Variants in TMEM266 observed in about 807,000 individuals in gnomAD.
TMEM266 encodes transmembrane protein 266.
In TMEM266, 33 loss-of-function variants were observed where a neutral mutation model predicts 50.5. The ratio of observed to expected loss-of-function variants is 0.65; its 90% CI spans 0.50 to 0.87. TMEM266 has a LOEUF of 0.87. TMEM266 is among the 40% of genes least tolerant of loss of function. TMEM266 has a pLI of 0.00. For missense variants in TMEM266, 655 were observed against 695.1 expected (o/e 0.94, Z 0.65); for synonymous variants, 310 against 292.3 (o/e 1.06, Z -0.62).
intron 1 of TMEM266, among the ~76,000 whole-genome samples, chr15:76,099,126 T>A (rs2036962301): frequency 6.6e-6 from 1 of 151,670 alleles, no homozygotes; most frequent in African/African-American, 2.4e-5. Context: ...GCCACTGGGG[T>A]ATGGAAAAAA....
At position 76,084,988 on chromosome 15, in the gene TMEM266, C is replaced by G. The variant is rs1405478428; in HGVS notation, c.-97+24972C>G. Among the ~76,000 whole-genome samples the G allele has an allele frequency of 2.7e-5, 4 of 149,430 alleles. No homozygotes were observed. In the East Asian group the frequency reaches 5.9e-4, roughly 22 times the overall value. On this transcript the variant is annotated intron_variant, in intron 1 of 10. Coordinates refer to ENST00000388942, the MANE Select transcript of TMEM266 (RefSeq NM_152335.3). The stretch of plus-strand genomic sequence containing the variant: ...TTTTTTTTTTTATTGAGACAAGAGT[C>G]TCACTCTGTTGCCCAGGCTAGAGTG...
chr15:76,095,474 G>A (rs563400318), intron 1 of TMEM266, among the ~76,000 whole-genome samples: 184 of 152,150 alleles, frequency 1.2e-3, no homozygotes, highest in African/African-American at 4.0e-3. Flanking sequence ...CGACTTGATC[G>A]TGGTAGATAA....
intron 1 of TMEM266, among the ~76,000 whole-genome samples, chr15:76,060,520 A>C (rs1462462605): frequency 1.3e-5 from 2 of 152,018 alleles, no homozygotes; most frequent in Non-Finnish European, 2.9e-5. Context: ...GTTTGTCGGG[A>C]GGTGCCCCAG....
At chr15:76,200,717 G>C (rs1013374169) in intron 9 of TMEM266, among the ~76,000 whole-genome samples, 1 of 152,132 alleles carries the variant, frequency 6.6e-6, no homozygotes, top group Non-Finnish European at 1.5e-5. Flanking sequence ...TGGCTTCCCA[G>C]GGCAGCAGCC....
intron 1 of TMEM266, among the ~76,000 whole-genome samples, chr15:76,073,553 AC>A (rs1215345430): frequency 1.3e-5 from 2 of 152,202 alleles, no homozygotes; most frequent in Non-Finnish European, 2.9e-5. Flanking sequence ...ACTTCTGTAC[AC>A]GGTGCAGTTC....
Position 76,139,716 on chromosome 15 carries a change from T to C in TMEM266, c.227+1821T>C, listed in dbSNP as rs1219102090. Among the ~76,000 whole-genome samples the C allele has an allele frequency of 1.3e-5, 2 of 152,256 alleles. No individual in the cohort carries two copies. The highest frequency in any genetic ancestry group is 2.9e-5 in the Non-Finnish European group (2 of 68,046). On this transcript the variant is annotated intron_variant, in intron 3 of 10. Coordinates refer to ENST00000388942, the MANE Select transcript of TMEM266 (RefSeq NM_152335.3). This position sits in a 1 kb window ranked among gnomAD's most constrained non-coding sequence, Gnocchi z 4.1. Reference sequence around the variant, plus strand: ...AGCCTTCTAACATGCCCTAGCTATTTCGGAGAATTCATTTCCTGCCCCCGG... The same window carrying C: ...AGCCTTCTAACATGCCCTAGCTATTCCGGAGAATTCATTTCCTGCCCCCGG...
intron 5 of TMEM266, among the ~76,000 whole-genome samples, chr15:76,162,386 C>T (rs904136514): frequency 1.3e-5 from 2 of 152,208 alleles, no homozygotes; most frequent in African/African-American, 2.4e-5. Flanking sequence ...GCTGCGTGCC[C>T]GTAAGAACCA....
chr15:76,093,484 C>G (rs1433339460), intron 1 of TMEM266, among the ~76,000 whole-genome samples: 1 of 152,016 alleles, frequency 6.6e-6, no homozygotes, highest in Non-Finnish European at 1.5e-5. Flanking sequence ...TTTTTTATGG[C>G]TGCATAGTAT....
intron 1 of TMEM266, among the ~76,000 whole-genome samples, chr15:76,069,102 A>G (rs1340419040): frequency 2.0e-5 from 3 of 152,324 alleles, no homozygotes; most frequent in Middle Eastern, 6.8e-3. Context: ...GATCAGTGAC[A>G]TAGCAGAAAA....
At chr15:76,096,174 C>T (rs1000708418) in intron 1 of TMEM266, among the ~76,000 whole-genome samples, 4 of 151,918 alleles carry the variant, frequency 2.6e-5, no homozygotes, top group Non-Finnish European at 5.9e-5. Flanking sequence ...TTTGCTGTTG[C>T]TTCTCTAGTT....
chr15:76,104,730 G>A (rs377133324), intron 1 of TMEM266, among the ~76,000 whole-genome samples: 61 of 152,284 alleles, frequency 4.0e-4, no homozygotes, highest in East Asian at 2.9e-3. Flanking sequence ...GAACAGAGGC[G>A]TTGGATGTGT....
chr15:76,188,389 G>A (rs1019231401), intron 8 of TMEM266, among the ~76,000 whole-genome samples: 2 of 152,248 alleles, frequency 1.3e-5, no homozygotes, highest in South Asian at 2.1e-4. Flanking sequence ...CAGATCATGA[G>A]GTCAGGAGTT....
chr15:76,066,557 T>C (rs886150472), intron 1 of TMEM266, among the ~76,000 whole-genome samples: 3 of 152,004 alleles, frequency 2.0e-5, no homozygotes, highest in Admixed American at 1.3e-4. Flanking sequence ...GCCACTGTGT[T>C]CTAGTCCTGC....
intron 1 of TMEM266, among the ~76,000 whole-genome samples, chr15:76,081,592 G>A (rs1455998188): frequency 1.3e-5 from 2 of 152,220 alleles, no homozygotes; most frequent in African/African-American, 4.8e-5. Context: ...TTGGACCTAG[G>A]TTCCAGTTCC....
intron 1 of TMEM266, among the ~76,000 whole-genome samples, chr15:76,072,008 G>A (rs1056554319): frequency 3.9e-5 from 6 of 152,080 alleles, no homozygotes; most frequent in Non-Finnish European, 5.9e-5. Context: ...TCATCAAGGG[G>A]CAGGGAAGAG....
chr15:76,204,356 C>G lies in TMEM266; in HGVS notation c.*41C>G. On this transcript the variant is annotated 3_prime_UTR_variant, in exon 11 of 11. Coordinates refer to ENST00000388942, the MANE Select transcript of TMEM266 (RefSeq NM_152335.3). ...GGGTGAGATGAGGGGAGACAGCCAT[C>G]TCAAAGCTCTCCTGGGACCCTGGAG... 6.5e-7 allele frequency: 1 copy of G among 1,535,140 alleles called. No individual in the cohort carries two copies. Among genetic ancestry groups the G allele is most frequent in the Non-Finnish European group, 8.8e-7 (1 of 1,131,364 alleles).
rs1445260534 is a variant in TMEM266, at chr15:76,164,018, C to T, written c.456+3850C>T. 2.0e-5 allele frequency among the ~76,000 whole-genome samples: 3 copies of T among 152,298 alleles called. No homozygotes were observed. In the East Asian group the frequency reaches 5.8e-4, roughly 29 times the overall value. On this transcript the variant is annotated intron_variant, in intron 5 of 10. Transcript: ENST00000388942. ...ACTTTCATCACCCTCAAAAGGAGAC[C>T]CCATTCCCAGTAGCAGTCACTCCCC...
chr15:76,070,947 C>G (rs1032579168), intron 1 of TMEM266, among the ~76,000 whole-genome samples: 2 of 152,236 alleles, frequency 1.3e-5, no homozygotes, highest in Non-Finnish European at 2.9e-5. Context: ...AGTGCTCAGT[C>G]AGTGCCACAT....
intron 8 of TMEM266, among the ~76,000 whole-genome samples, chr15:76,181,870 T>TA (rs767986795): frequency 2.0e-5 from 3 of 152,222 alleles, no homozygotes; most frequent in Non-Finnish European, 4.4e-5. Context: ...AAGTCTCCGT[T>TA]ACACCCGCTC....
Sources: gnomAD v4.1 joint callset for allele counts (sites outside exome capture counted in the v4.1 genomes callset) on GRCh38, gnomAD v4.1.1 for gene constraint, Gnocchi (gnomAD v3.1) non-coding constraint, MANE v1.5 for transcripts, NCBI Gene and HGNC (gene_info 2026-07-23, HGNC 2026-07-21) for gene names.